RERE: variants seen among roughly 807,000 people sequenced by gnomAD.
RERE encodes arginine-glutamic acid dipeptide repeats protein.
RERE carries 40 observed loss-of-function variants against 146.1 expected under a neutral mutation model. The observed-to-expected ratio is 0.27, with a 90% confidence interval of 0.21 to 0.36. The LOEUF (loss-of-function observed/expected upper bound fraction) is 0.36, where lower values mean the gene tolerates loss of function less well. Ranked by LOEUF, RERE falls within the 10% of genes least tolerant of loss-of-function variation. The probability of loss-of-function intolerance (pLI) is 1.00; values close to 1 mark genes in which losing one functional copy is unlikely to be tolerated. For missense variants in RERE, 1,933 were observed against 2,138.7 expected, an observed-to-expected ratio of 0.90 and a Z score of 1.90; for synonymous variants, 1,003 against 866.0, an observed-to-expected ratio of 1.16 and a Z score of -2.78.
At chr1:8,575,571 T>TTC (rs1646284670) in intron 4 of RERE, among the ~76,000 whole-genome samples, 1 of 144,168 alleles carries the variant, frequency 6.9e-6, no homozygotes, top group Non-Finnish European at 1.5e-5. Context: ...ATTTTTTTTT[T>TTC]TTTTGGCAGA....
chr1:8,354,184 T>C lies in RERE; in HGVS notation c.*903A>G, dbSNP rs1641203247. 1 of 152,518 alleles carries C rather than the reference T, an allele frequency of 6.6e-6. No homozygotes were observed. The highest frequency in any genetic ancestry group is 1.9e-4 in the East Asian group (1 of 5,198). 9.4% of individuals were successfully genotyped at this position (152,518 alleles called of 1,614,324 possible). ...ACACTGGAGAACAGAAAGTGAACAT[T>C]CACCTCCTGCACTCCCTGTGCAAAA... On this transcript the variant is annotated 3_prime_UTR_variant, in exon 23 of 23. Coordinates refer to ENST00000400908, the MANE Select transcript of RERE (RefSeq NM_001042681.2).
intron 1 of RERE, among the ~76,000 whole-genome samples, chr1:8,659,450 G>A (rs767980353): frequency 1.3e-5 from 2 of 152,322 alleles, no homozygotes; most frequent in African/African-American, 2.4e-5. Flanking sequence ...CCACCTACTC[G>A]GGAGGCTGAG....
chr1:8,614,266 C>T (rs1039332826), intron 4 of RERE, among the ~76,000 whole-genome samples: 8 of 152,078 alleles, frequency 5.3e-5, no homozygotes, highest in Non-Finnish European at 1.0e-4. Context: ...ATTTCAGTTG[C>T]CAACATCCAT....
At chr1:8,557,251 C>T (rs1282428504) in intron 5 of RERE, among the ~76,000 whole-genome samples, 167 bp downstream of exon 5, 1 of 152,146 alleles carries the variant, frequency 6.6e-6, no homozygotes, top group African/African-American at 2.4e-5. Flanking sequence ...GGGACAGACC[C>T]ACCTCACGTG....
At chr1:8,744,832 GA>G (rs968439051) in intron 1 of RERE, among the ~76,000 whole-genome samples, 1 of 152,134 alleles carries the variant, frequency 6.6e-6, no homozygotes, top group Non-Finnish European at 1.5e-5. Flanking sequence ...GTATGTACAG[GA>G]TAATGGAGAC....
In RERE at chr1:8,423,396, G is replaced by A. The variant is rs1376505245; in HGVS notation, c.1204-589C>T. The A allele has an allele frequency of 6.0e-5, 18 of 299,410 alleles. No homozygotes were observed. Among genetic ancestry groups the A allele is most frequent in the Non-Finnish European group, 8.4e-5 (17 of 202,634 alleles). The allele number at this position is 299,410 out of a possible 1,614,324, so 18.5% of individuals were successfully genotyped here. A position where few individuals can be genotyped will look rare whatever the true frequency, so the allele number is the denominator to read the frequency against. ...TTAAAAGCCACTCCGAGACACCAGA[G>A]AATAACCAGCACCCCTTCCGCCCTC... On this transcript the variant is annotated intron_variant, in intron 11 of 22. Transcript: ENST00000400908. This position sits in a 1 kb window ranked among gnomAD's most constrained non-coding sequence, Gnocchi z 5.4.
chr1:8,653,884 A>C (rs757712080), intron 2 of RERE, among the ~76,000 whole-genome samples: 30 of 152,074 alleles, frequency 2.0e-4, no homozygotes, highest in Non-Finnish European at 4.1e-4. Flanking sequence ...TACACACATC[A>C]TTTAATCGTT....
Position 8,656,184 on chromosome 1 carries a change from G to A in RERE, c.114C>T (p.Arg38=), listed in dbSNP as rs751963715. The A allele has an allele frequency of 6.2e-6, 10 of 1,613,690 alleles. No homozygotes were observed. The highest frequency in any genetic ancestry group is 8.5e-6 in the Non-Finnish European group (10 of 1,179,678). The change falls in exon 2 of 23, where the codon CGC becomes CGT. Residue 38 remains arginine (R), a synonymous_variant. Transcript: ENST00000400908. The part of the protein sequence containing the change: ...KARESENSRP[R]RSCTLEGGAK... The stretch of plus-strand genomic sequence containing the variant: ...CTCCTCCTTCCAAGGTACAGCTCCG[G>A]CGTGGCCTTGAATTCTCACTCTCTC...
intron 11 of RERE, among the ~76,000 whole-genome samples, chr1:8,451,560 C>G (rs142088110): frequency 6.6e-6 from 1 of 152,156 alleles, no homozygotes; most frequent in Non-Finnish European, 1.5e-5. Flanking sequence ...AACTTGTACC[C>G]CAGATGAATT....
rs985140466 is a variant in RERE, at chr1:8,809,157, A to AAAAAAAAAAAAAAAAAAAAAAAT, written c.-145+8002_-145+8003insATTTTTTTTTTTTTTTTTTTTTT. Among the ~76,000 whole-genome samples the AAAAAAAAAAAAAAAAAAAAAAAT allele has an allele frequency of 4.0e-4, 58 of 146,184 alleles. 3 individuals carry two copies. The highest frequency in any genetic ancestry group is 1.5e-3 in the African/African-American group (53 of 36,416). ...TGTCTTAAAAAAAAAAAAAAAAAAAAAAAGTACTGAGGGAGAGGTTAATGG... is the reference window on the plus strand; with the variant it reads ...TGTCTTAAAAAAAAAAAAAAAAAAAAAAAAAAAAAAAAAAAAAAAAAATAAAGTACTGAGGGAGAGGTTAATGG... On this transcript the variant is annotated intron_variant, in intron 1 of 22. Transcript: ENST00000400908.
At chr1:8,801,054 T>A (rs1641581252) in intron 1 of RERE, among the ~76,000 whole-genome samples, 1 of 151,876 alleles carries the variant, frequency 6.6e-6, no homozygotes. Flanking sequence ...AGTCCAGGAG[T>A]TCGAGACCAG....
intron 12 of RERE, among the ~76,000 whole-genome samples, chr1:8,372,230 G>A (rs925823418): frequency 1.3e-5 from 2 of 152,112 alleles, no homozygotes; most frequent in African/African-American, 4.8e-5. Flanking sequence ...TCTTCTGCCC[G>A]AGCCCAGCAT....
At chr1:8,691,185 C>T (rs1011792355) in intron 1 of RERE, among the ~76,000 whole-genome samples, 4 of 152,116 alleles carry the variant, frequency 2.6e-5, no homozygotes, top group Non-Finnish European at 4.4e-5. Context: ...CATGAGCCAC[C>T]GTGCCCGGCC....
chr1:8,634,870 G>C (rs1308062040), intron 2 of RERE, among the ~76,000 whole-genome samples: 1 of 152,022 alleles, frequency 6.6e-6, no homozygotes, highest in African/African-American at 2.4e-5. Flanking sequence ...TGAGTAGCTG[G>C]GACTACAGGT....
At chr1:8,728,213 G>C (rs560354102) in intron 1 of RERE, among the ~76,000 whole-genome samples, 1 of 152,322 alleles carries the variant, frequency 6.6e-6, no homozygotes, top group African/African-American at 2.4e-5. Context: ...CTTTTACTGA[G>C]CACGCATGCA....
chr1:8,537,943 GT>G (rs1645748370), intron 7 of RERE, among the ~76,000 whole-genome samples: 1 of 152,326 alleles, frequency 6.6e-6, no homozygotes, highest in African/African-American at 2.4e-5. Context: ...CAAAATTTCA[GT>G]GCTGTTCAAT....
At chr1:8,355,650 A>G in intron 21 of RERE, 51 bp from the exon 22 acceptor site, 1 of 1,490,474 alleles carries the variant, frequency 6.7e-7, no homozygotes, top group Non-Finnish European at 9.0e-7. Context: ...AGGACTGGCC[A>G]AGACCAGGGC....
At position 8,467,855 on chromosome 1, in the gene RERE, A is replaced by T. The variant is rs532297211; in HGVS notation, c.1105-1832T>A. On this transcript the variant is annotated intron_variant, in intron 10 of 22. Coordinates refer to ENST00000400908, the MANE Select transcript of RERE (RefSeq NM_001042681.2). ...GAGATGGGGTTTCATCGTGTTAACC[A>T]GAATGGTCTCGATCTCTTGACCTCG... 5.3e-5 allele frequency among the ~76,000 whole-genome samples: 8 copies of T among 152,292 alleles called. No homozygotes were observed. The South Asian group carries it at 1.7e-3, about 32-fold the overall frequency.
At chr1:8,522,409 A>C (rs1477726997) in intron 7 of RERE, among the ~76,000 whole-genome samples, 1 of 152,276 alleles carries the variant, frequency 6.6e-6, no homozygotes, top group Non-Finnish European at 1.5e-5. Flanking sequence ...TGTTGAATAA[A>C]TGAATACACA....
Sources: gnomAD v4.1 joint callset for allele counts (sites outside exome capture counted in the v4.1 genomes callset) on GRCh38, gnomAD v4.1.1 for gene constraint, Gnocchi (gnomAD v3.1) non-coding constraint, MANE v1.5 for transcripts, NCBI Gene and HGNC (gene_info 2026-07-23, HGNC 2026-07-21) for gene names.